The following CYP20A1 variants were observed in gnomAD, a reference collection of about 807,000 sequenced individuals.
The protein encoded by CYP20A1 is cytochrome P450 family 20 subfamily A member 1, also known as cytochrome P450 20A1.
In CYP20A1, 61 loss-of-function variants were observed where a neutral mutation model predicts 61.4. The observed-to-expected ratio is 0.99, with a 90% CI of 0.81 to 1.23. CYP20A1 has a LOEUF of 1.23. Among genes scored for constraint, CYP20A1 ranks in the 50% most tolerant of loss-of-function variants. CYP20A1 has a pLI of 0.00. For synonymous variants in CYP20A1, 193 were observed against 188.2 expected (o/e 1.03, Z -0.21); for missense variants, 530 against 542.4 (o/e 0.98, Z 0.23).
At chr2:203,254,106 C>A (rs1349157348) in intron 4 of CYP20A1, among the ~76,000 whole-genome samples, 4 of 27,400 alleles carry the variant, frequency 1.5e-4, no homozygotes, top group Non-Finnish European at 8.2e-4. Flanking sequence ...GCCACCATGC[C>A]CAGCTCATTT....
chr2:203,239,227 G>C, intron 1 of CYP20A1, 93 bp downstream of exon 1: 4 of 1,112,462 alleles, frequency 3.6e-6, no homozygotes, highest in Non-Finnish European at 5.4e-6. Flanking sequence ...CGGGCCGCAG[G>C]GGGCGGGCCT....
intron 12 of CYP20A1, 42 bp from the exon 13 acceptor site, chr2:203,296,716 A>C: frequency 6.4e-7 from 1 of 1,558,498 alleles, no homozygotes; most frequent in Non-Finnish European, 8.6e-7. Flanking sequence ...TTAAAGTATA[A>C]TTTTTAATCT....
Position 203,298,836 on chromosome 2 carries a change from C to A in CYP20A1, c.*1928C>A, listed in dbSNP as rs779123837. Among the ~76,000 whole-genome samples, 2 of 152,002 alleles carry A rather than the reference C, an allele frequency of 1.3e-5. No homozygotes were observed. Among genetic ancestry groups the A allele is most frequent in the African/African-American group, 2.4e-5 (1 of 41,354 alleles). ...GATCACGAGGTCAAGAGATTTGAGA[C>A]CATCCTGGCCAACATGGTGAAACCC... On this transcript the variant is annotated 3_prime_UTR_variant, in exon 13 of 13. Transcript: ENST00000356079.
intron 3 of CYP20A1, among the ~76,000 whole-genome samples, chr2:203,251,120 T>C (rs2066654700): frequency 6.8e-6 from 1 of 147,980 alleles, no homozygotes; most frequent in African/African-American, 2.5e-5. Context: ...GTCTAAAATG[T>C]TAACAGTATC....
rs977577062 is a variant in CYP20A1 at position 203,300,312 on chromosome 2, T to C, written c.*3404T>C. 6.6e-6 allele frequency among the ~76,000 whole-genome samples: 1 copy of C among 152,226 alleles called. No individual in the cohort carries two copies. The highest frequency in any genetic ancestry group is 2.4e-5 in the African/African-American group (1 of 41,466). On this transcript the variant is annotated 3_prime_UTR_variant, in exon 13 of 13. Coordinates refer to ENST00000356079, the MANE Select transcript of CYP20A1 (RefSeq NM_177538.3). ...CTCTAGATAATTTTTTAAATAAAAG[T>C]ACTGTTAATATATAAACTAAGTTAT...
intron 10 of CYP20A1, among the ~76,000 whole-genome samples, chr2:203,291,490 G>C (rs972856462): frequency 3.3e-5 from 5 of 152,100 alleles, no homozygotes; most frequent in Admixed American, 3.3e-4. Flanking sequence ...TCATTGGAGA[G>C]ATAGAACAAA....
rs1383569199 is a variant in CYP20A1 at position 203,298,616 on chromosome 2, G to A, written c.*1708G>A. 2.7e-5 allele frequency among the ~76,000 whole-genome samples: 4 copies of A among 146,732 alleles called. No homozygotes were observed. Among genetic ancestry groups the A allele is most frequent in the East Asian group, 4.1e-4 (2 of 4,896 alleles). ...CTCAGGAGGCTGAGGCAGGATAATC[G>A]CTTGAACCTGGGAGGCAGAGGTTGC... is the stretch of plus-strand genomic sequence containing the variant. On this transcript the variant is annotated 3_prime_UTR_variant, in exon 13 of 13. Transcript: ENST00000356079.
intron 4 of CYP20A1, among the ~76,000 whole-genome samples, chr2:203,257,892 T>C (rs1169366290): frequency 2.0e-5 from 1 of 51,178 alleles, no homozygotes; most frequent in African/African-American, 3.9e-5. Context: ...CACATTAGGG[T>C]AAATCAGGTA....
chr2:203,296,603 A>G (rs2068807567), intron 12 of CYP20A1, 40 bp downstream of exon 12: 1 of 1,511,482 alleles, frequency 6.6e-7, no homozygotes, highest in South Asian at 1.2e-5. Context: ...TAGAATTTTG[A>G]TGATCACTGT....
intron 4 of CYP20A1, among the ~76,000 whole-genome samples, chr2:203,252,830 C>T (rs1247688320): frequency 6.6e-6 from 1 of 152,098 alleles, no homozygotes; most frequent in East Asian, 1.9e-4. Flanking sequence ...TCTGTGACTC[C>T]CCACTTCGCG....
rs540230386 is a variant in CYP20A1, at chr2:203,303,587, C to T, written c.*6679C>T. On this transcript the variant is annotated 3_prime_UTR_variant, in exon 13 of 13. Coordinates refer to ENST00000356079, the MANE Select transcript of CYP20A1 (RefSeq NM_177538.3). ...ACAGGTGCCTCTAATCCCAGCTACT[C>T]GGGAGGCTGAGGCAGGAGAATCGCT... 2.7e-4 allele frequency among the ~76,000 whole-genome samples: 41 copies of T among 151,806 alleles called. No individual in the cohort carries two copies. The highest frequency in any genetic ancestry group is 4.3e-4 in the Non-Finnish European group (29 of 67,942).
intron 1 of CYP20A1, among the ~76,000 whole-genome samples, chr2:203,242,594 A>G (rs902551104): frequency 6.6e-6 from 1 of 152,044 alleles, no homozygotes; most frequent in Non-Finnish European, 1.5e-5. Flanking sequence ...TTGAGACTAG[A>G]CTGAGCATTA....
In CYP20A1 at chr2:203,244,637, T is replaced by C. The variant is rs571262902; in HGVS notation, c.73-1209T>C. Among the ~76,000 whole-genome samples the C allele has an allele frequency of 5.3e-5, 8 of 151,976 alleles. No homozygotes were observed. The South Asian group carries it at 1.7e-3, about 32-fold the overall frequency. The stretch of plus-strand genomic sequence containing the variant: ...ACAAAGAAAACGACGAAAAATGTAC[T>C]GGATATGTGTTAGTTGATGTAGAGT... On this transcript the variant is annotated intron_variant, in intron 1 of 12. Coordinates refer to ENST00000356079, the MANE Select transcript of CYP20A1 (RefSeq NM_177538.3).
chr2:203,283,293 TG>T (rs1282177926), intron 8 of CYP20A1, among the ~76,000 whole-genome samples: 7 of 138,526 alleles, frequency 5.1e-5, no homozygotes, highest in Non-Finnish European at 1.1e-4. Context: ...CTCGGCTCAC[TG>T]CAACCTCCAC....
At position 203,299,827 on chromosome 2, in the gene CYP20A1, T is replaced by C. The variant is rs1378140135; in HGVS notation, c.*2919T>C. 6.6e-6 allele frequency among the ~76,000 whole-genome samples: 1 copy of C among 151,782 alleles called. No homozygotes were observed. Among genetic ancestry groups the C allele is most frequent in the Non-Finnish European group, 1.5e-5 (1 of 67,990 alleles). ...AGGCAGAGGTTGCGGTGAGCCAAGA[T>C]CGCGCCATTGCACTCCAGCCTGGGC... On this transcript the variant is annotated 3_prime_UTR_variant, in exon 13 of 13. Coordinates refer to ENST00000356079, the MANE Select transcript of CYP20A1 (RefSeq NM_177538.3).
At chr2:203,284,379 G>T (rs2068176721) in intron 8 of CYP20A1, among the ~76,000 whole-genome samples, 1 of 151,982 alleles carries the variant, frequency 6.6e-6, no homozygotes, top group African/African-American at 2.4e-5. Flanking sequence ...ATGTTCAGAA[G>T]TTTCCATTCT....
At chr2:203,291,140 G>A (rs6435178) in intron 10 of CYP20A1, among the ~76,000 whole-genome samples, 135,923 of 152,054 alleles carry the variant, frequency 0.89, 61,594 homozygotes, top group Non-Finnish European at 0.96. Flanking sequence ...TGGTGTGATT[G>A]CAGCCTCGAC....
chr2:203,281,057 T>C (rs2068022962), intron 8 of CYP20A1, among the ~76,000 whole-genome samples: 1 of 152,200 alleles, frequency 6.6e-6, no homozygotes, highest in South Asian at 2.1e-4. Context: ...CTCGTTGGAA[T>C]TGAAGGTGAT....
chr2:203,293,109 G>A (rs2068611510), intron 11 of CYP20A1, among the ~76,000 whole-genome samples: 1 of 151,734 alleles, frequency 6.6e-6, no homozygotes, highest in South Asian at 2.1e-4. Flanking sequence ...GGGAGGCAGA[G>A]GTTGCAGTGA....
Sources: gnomAD v4.1 joint callset for allele counts (sites outside exome capture counted in the v4.1 genomes callset) on GRCh38, gnomAD v4.1.1 for gene constraint, MANE v1.5 for transcripts, NCBI Gene and HGNC (gene_info 2026-07-23, HGNC 2026-07-21) for gene names.